Variants in FNBP1 observed in about 807,000 individuals in gnomAD.
The protein encoded by FNBP1 is formin binding protein 1.
Under a neutral mutation model 90.6 loss-of-function variants are expected in FNBP1, and 26 were observed. That is an observed-to-expected ratio of 0.29 (90% CI 0.21 to 0.40). FNBP1 has a LOEUF of 0.40. FNBP1 is among the 10% of genes least tolerant of loss of function. The probability of loss-of-function intolerance (pLI) is 1.00; values close to 1 mark genes in which losing one functional copy is unlikely to be tolerated. For synonymous variants in FNBP1, 260 were observed against 265.2 expected (o/e 0.98, Z 0.19); for missense variants, 635 against 768.0 (o/e 0.83, Z 2.05).
At chr9:129,918,432 C>A (rs2040579801) in intron 10 of FNBP1, among the ~76,000 whole-genome samples, 1 of 152,176 alleles carries the variant, frequency 6.6e-6, no homozygotes, top group Non-Finnish European at 1.5e-5. Flanking sequence ...AATTAAAAAG[C>A]TGTCAGTTTC....
At chr9:129,952,951 A>C (rs1196145727) in intron 6 of FNBP1, among the ~76,000 whole-genome samples, 1 of 152,202 alleles carries the variant, frequency 6.6e-6, no homozygotes, top group Non-Finnish European at 1.5e-5. Flanking sequence ...TTAAGACATA[A>C]GGATGTTACA....
chr9:130,037,504 A>G (rs1453503786), intron 1 of FNBP1, among the ~76,000 whole-genome samples: 2 of 152,234 alleles, frequency 1.3e-5, no homozygotes, highest in Non-Finnish European at 2.9e-5. Flanking sequence ...TTAAAAAACT[A>G]GTTTAAAATT....
In FNBP1 at chr9:130,042,722, G is replaced by A. The variant is rs1038978693; in HGVS notation, c.24+230C>T. ...CGCCCGCGCCGTTCCTCAGGCCGCC[G>A]GGGACCCGCACCAACTCCCCTCGCC... On this transcript the variant is annotated intron_variant, in intron 1 of 16. Coordinates refer to ENST00000446176, the MANE Select transcript of FNBP1 (RefSeq NM_015033.3). The surrounding 1 kb of genome is among the most constrained non-coding windows in gnomAD (Gnocchi z 5.5). Among the ~76,000 whole-genome samples, 3 of 151,686 alleles carry A rather than the reference G, an allele frequency of 2.0e-5. No homozygotes were observed. Among genetic ancestry groups the A allele is most frequent in the Non-Finnish European group, 4.4e-5 (3 of 67,838 alleles).
intron 1 of FNBP1, among the ~76,000 whole-genome samples, chr9:130,036,264 G>A (rs1206353508): frequency 6.6e-6 from 1 of 152,148 alleles, no homozygotes; most frequent in Admixed American, 6.6e-5. Context: ...ACAAGTATGA[G>A]TAATACTTGC....
chr9:129,914,858 T>C (rs560381754), intron 11 of FNBP1: 1 of 428,888 alleles, frequency 2.3e-6, no homozygotes. Context: ...TTACTCCTAG[T>C]AGAACTGTCA....
intron 12 of FNBP1, among the ~76,000 whole-genome samples, chr9:129,908,369 AGTT>A (rs2038569547): frequency 2.1e-5 from 3 of 145,302 alleles, no homozygotes; most frequent in African/African-American, 5.1e-5. Context: ...ATGCCTGGCT[AGTT>A]TTTTTCTTTT....
intron 2 of FNBP1, among the ~76,000 whole-genome samples, chr9:129,986,331 A>G (rs1034440803): frequency 3.9e-5 from 6 of 152,138 alleles, no homozygotes; most frequent in African/African-American, 1.4e-4. Context: ...TCCCAATACT[A>G]TGGGATAAAA....
At chr9:130,002,383 C>G (rs941890684) in intron 1 of FNBP1, among the ~76,000 whole-genome samples, 1 of 152,090 alleles carries the variant, frequency 6.6e-6, no homozygotes, top group Non-Finnish European at 1.5e-5. Context: ...AGAGGTGGGG[C>G]CTAATGGGAG....
rs1200440202 is a variant in FNBP1, at chr9:130,043,090, C to A, written c.-115G>T. 1.0e-5 allele frequency: 10 copies of A among 991,550 alleles called. No individual in the cohort carries two copies. Among genetic ancestry groups the A allele is most frequent in the Non-Finnish European group, 1.3e-6 (1 of 772,010 alleles). 61.4% of individuals were successfully genotyped at this position (991,550 alleles called of 1,614,324 possible). On this transcript the variant is annotated 5_prime_UTR_variant, in exon 1 of 17. Transcript: ENST00000446176. ...GCGACGGCGGAAAGCCCGGAGTCCG[C>A]GCGGCCTCCTCCGGCTCGCAGCTCC... is the stretch of plus-strand genomic sequence containing the variant.
intron 6 of FNBP1, among the ~76,000 whole-genome samples, chr9:129,952,046 G>A (rs901627057): frequency 6.6e-6 from 1 of 151,476 alleles, no homozygotes; most frequent in Admixed American, 6.6e-5. Flanking sequence ...ACAAAAATTA[G>A]CCAGGTGTGG....
At chr9:130,046,722 C>T (rs568238287), upstream of FNBP1, among the ~76,000 whole-genome samples, 3 of 147,004 alleles carry the variant, frequency 2.0e-5, no homozygotes, top group Non-Finnish European at 3.0e-5. Flanking sequence ...GAGCTAAGAT[C>T]GCGCCACTAC....
At position 129,888,567 on chromosome 9, in the gene FNBP1, G is replaced by T. The variant is rs2296791; in HGVS notation, c.*1972C>A. ...GCTTAGGTCACCCGTTGCAGGGACCGGAAGTCCATGGCTCTGCCGCAACCC... is the reference window on the plus strand; with the variant it reads ...GCTTAGGTCACCCGTTGCAGGGACCTGAAGTCCATGGCTCTGCCGCAACCC... On this transcript the variant is annotated 3_prime_UTR_variant, in exon 17 of 17. Transcript: ENST00000446176. The T allele has an allele frequency of 0.015, 3,471 of 232,950 alleles. 43 individuals carry two copies. Among genetic ancestry groups the T allele is most frequent in the Middle Eastern group, 0.028 (22 of 784 alleles). The allele number at this position is 232,950 out of a possible 1,614,324, so 14.4% of individuals were successfully genotyped here. A position where few individuals can be genotyped will look rare whatever the true frequency, so the allele number is the denominator to read the frequency against.
At chr9:129,987,690 G>A (rs150953473) in intron 2 of FNBP1, among the ~76,000 whole-genome samples, 220 of 151,860 alleles carry the variant, frequency 1.4e-3, no homozygotes, top group African/African-American at 5.1e-3. Flanking sequence ...GTAGAGAGAC[G>A]GGGTTTCACC....
chr9:129,892,120 T>TA (rs1482680758), intron 16 of FNBP1, among the ~76,000 whole-genome samples: 1 of 152,050 alleles, frequency 6.6e-6, no homozygotes, highest in Admixed American at 6.6e-5. Flanking sequence ...GAAAGGTCAT[T>TA]AGGCAGCAGG....
chr9:129,968,417 A>G (rs1009309872), intron 4 of FNBP1, among the ~76,000 whole-genome samples: 8 of 148,322 alleles, frequency 5.4e-5, no homozygotes, highest in Middle Eastern at 3.5e-3. Flanking sequence ...AAAAAAAAAA[A>G]TCAGAAATGG....
chr9:129,919,557 G>C (rs1350527704), intron 10 of FNBP1, among the ~76,000 whole-genome samples: 1 of 151,962 alleles, frequency 6.6e-6, no homozygotes, highest in Non-Finnish European at 1.5e-5. Context: ...ATGTTCTGGC[G>C]GCATCTCTAA....
At chr9:130,051,969 C>A in the FNBP1 span, among the ~76,000 whole-genome samples, 1 of 152,182 alleles carries the variant, frequency 6.6e-6, no homozygotes, top group South Asian at 2.1e-4. Context: ...GAGAAGCAGG[C>A]ATAACTTGTT....
intron 2 of FNBP1, among the ~76,000 whole-genome samples, chr9:129,984,795 A>T (rs1189010807): frequency 6.6e-6 from 1 of 152,156 alleles, no homozygotes; most frequent in Non-Finnish European, 1.5e-5. Context: ...AAGATCTGAC[A>T]GGTTTATCAG....
intron 2 of FNBP1, among the ~76,000 whole-genome samples, chr9:129,994,134 G>A (rs1034542195): frequency 1.3e-5 from 2 of 152,132 alleles, no homozygotes; most frequent in African/African-American, 4.8e-5. Context: ...ATGCTCGTTG[G>A]AGCGCTACTC....
Sources: gnomAD v4.1 joint callset for allele counts (sites outside exome capture counted in the v4.1 genomes callset) on GRCh38, gnomAD v4.1.1 for gene constraint, Gnocchi (gnomAD v3.1) non-coding constraint, MANE v1.5 for transcripts, NCBI Gene and HGNC (gene_info 2026-07-23, HGNC 2026-07-21) for gene names.